The following VKORC1L1 variants were observed in gnomAD, a reference collection of about 807,000 sequenced individuals.
VKORC1L1 encodes vitamin K epoxide reductase complex subunit 1L1.
In VKORC1L1, 2 loss-of-function variants were observed where a neutral mutation model predicts 18.9. The ratio of observed to expected loss-of-function variants is 0.11; its 90% CI spans 0.04 to 0.33. The LOEUF (loss-of-function observed/expected upper bound fraction) is 0.33, where lower values mean the gene tolerates loss of function less well. VKORC1L1 is among the 10% of genes least tolerant of loss of function. The pLI, the probability that VKORC1L1 is intolerant of heterozygous loss-of-function variation, is 1.00. For synonymous variants in VKORC1L1, 96 were observed against 100.0 expected, an observed-to-expected ratio of 0.96 and a Z score of 0.24; for missense variants, 123 against 224.1, an observed-to-expected ratio of 0.55 and a Z score of 2.88.
At chr7:65,932,722 G>A (rs1281257109) in intron 1 of VKORC1L1, among the ~76,000 whole-genome samples, 2 of 152,148 alleles carry the variant, frequency 1.3e-5, no homozygotes, top group African/African-American at 4.8e-5. Context: ...GTTTGTTTAT[G>A]ATATGTTTAT....
At chr7:65,936,333 A>G (rs1288531058) in intron 1 of VKORC1L1, among the ~76,000 whole-genome samples, 1 of 151,970 alleles carries the variant, frequency 6.6e-6, no homozygotes, top group South Asian at 2.1e-4. Flanking sequence ...ACATTCTTCT[A>G]GTTCTTTGTA....
intron 1 of VKORC1L1, among the ~76,000 whole-genome samples, chr7:65,939,102 T>C (rs1054200763): frequency 2.0e-5 from 3 of 152,176 alleles, no homozygotes; most frequent in African/African-American, 7.2e-5. Flanking sequence ...AGAGATTATT[T>C]TGAACAGGAT....
chr7:65,919,466 C>T (rs1373884870), intron 1 of VKORC1L1, among the ~76,000 whole-genome samples: 1 of 152,170 alleles, frequency 6.6e-6, no homozygotes, highest in Non-Finnish European at 1.5e-5. Flanking sequence ...CCTTTTCTTT[C>T]CTAACTCAGA....
intron 1 of VKORC1L1, among the ~76,000 whole-genome samples, chr7:65,895,964 C>T (rs531326753): frequency 2.1e-5 from 3 of 141,256 alleles, no homozygotes; most frequent in East Asian, 2.1e-4. Context: ...GGCGTGATCT[C>T]GGCTCACTGC....
Position 65,888,411 on chromosome 7 carries a change from T to C in VKORC1L1, c.194+14846T>C, listed in dbSNP as rs541995897. ...GGAATCTAGTTAAGCTTAAATTGTTTCAAACTAAAGCAGGCCATGAGATGA... is the reference window on the plus strand; with the variant it reads ...GGAATCTAGTTAAGCTTAAATTGTTCCAAACTAAAGCAGGCCATGAGATGA... On this transcript the variant is annotated intron_variant, in intron 1 of 2. Coordinates refer to ENST00000360768, the MANE Select transcript of VKORC1L1 (RefSeq NM_173517.6). Among the ~76,000 whole-genome samples, 285 of 152,288 alleles carry C rather than the reference T, an allele frequency of 1.9e-3. 3 individuals are homozygous for C. Among genetic ancestry groups the C allele is most frequent in the African/African-American group, 6.7e-3 (278 of 41,554 alleles).
At chr7:65,872,961 T>C (rs1398376243), upstream of VKORC1L1, among the ~76,000 whole-genome samples, 16 of 132,738 alleles carry the variant, frequency 1.2e-4, no homozygotes, top group Admixed American at 7.7e-4. Context: ...CCTCTCTGGC[T>C]CCGCCCCTCC....
intron 1 of VKORC1L1, among the ~76,000 whole-genome samples, chr7:65,911,630 G>C (rs1220269751): frequency 6.6e-6 from 1 of 152,180 alleles, no homozygotes; most frequent in Non-Finnish European, 1.5e-5. Flanking sequence ...ACAGCATCTT[G>C]CTATTTTGCC....
chr7:65,873,288 G>A lies in VKORC1L1; in HGVS notation c.-84G>A. 3 of 1,032,792 alleles carry A rather than the reference G, an allele frequency of 2.9e-6. No individual in the cohort carries two copies. The highest frequency in any genetic ancestry group is 3.5e-6 in the Non-Finnish European group (3 of 862,856). 64.0% of individuals were successfully genotyped at this position (1,032,792 alleles called of 1,614,324 possible). ...CGGCGGCGGCGGAGGCGGCGGTGGC[G>A]GCGGTGGCGGCTGGGTCGGGCCCCG... On this transcript the variant is annotated 5_prime_UTR_variant, in exon 1 of 3. Transcript: ENST00000360768.
At chr7:65,891,063 G>C (rs1306330826) in intron 1 of VKORC1L1, among the ~76,000 whole-genome samples, 1 of 151,380 alleles carries the variant, frequency 6.6e-6, no homozygotes, top group Non-Finnish European at 1.5e-5. Context: ...CAGACAGTAA[G>C]GACTCTGCTG....
intron 1 of VKORC1L1, among the ~76,000 whole-genome samples, chr7:65,879,599 C>G (rs1034457550): frequency 6.6e-6 from 1 of 152,152 alleles, no homozygotes; most frequent in African/African-American, 2.4e-5. Flanking sequence ...AGGCCTGATT[C>G]TAACCCAGGC....
Position 65,894,504 on chromosome 7 carries a change from GGATCAC to G in VKORC1L1, c.194+20942_194+20947del, listed in dbSNP as rs370647720. On this transcript the variant is annotated intron_variant, in intron 1 of 2. Coordinates refer to ENST00000360768, the MANE Select transcript of VKORC1L1 (RefSeq NM_173517.6). ...AGCACTTTGGGAGGCCAAGGCAGGT[GGATCAC>G]GAGGTCAGAAGATCGAGACCATCCT... Among the ~76,000 whole-genome samples, 14 of 152,262 alleles carry G rather than the reference GGATCAC, an allele frequency of 9.2e-5. No individual in the cohort carries two copies. The East Asian group carries it at 2.7e-3, about 29-fold the overall frequency.
At chr7:65,891,302 G>A (rs543304126) in intron 1 of VKORC1L1, among the ~76,000 whole-genome samples, 3 of 152,136 alleles carry the variant, frequency 2.0e-5, no homozygotes, top group African/African-American at 7.2e-5. Context: ...ATATCTAGGA[G>A]TGGATTTCTG....
At chr7:65,876,568 A>C (rs1788831022) in intron 1 of VKORC1L1, among the ~76,000 whole-genome samples, 1 of 151,994 alleles carries the variant, frequency 6.6e-6, no homozygotes, top group Non-Finnish European at 1.5e-5. Flanking sequence ...AAATCGGTGA[A>C]AACTCTGCTG....
intron 1 of VKORC1L1, among the ~76,000 whole-genome samples, chr7:65,916,506 C>T (rs932669040): frequency 1.5e-4 from 23 of 152,044 alleles, no homozygotes; most frequent in Admixed American, 5.9e-4. Flanking sequence ...TCTCTGAGCT[C>T]AGAGTCCTAG....
chr7:65,877,826 A>G (rs1384207265), intron 1 of VKORC1L1, among the ~76,000 whole-genome samples: 1 of 152,206 alleles, frequency 6.6e-6, no homozygotes, highest in Non-Finnish European at 1.5e-5. Context: ...AACATATACC[A>G]TAGGGGATTG....
chr7:65,951,199 A>G (rs1475270940), intron 2 of VKORC1L1, among the ~76,000 whole-genome samples: 1 of 152,240 alleles, frequency 6.6e-6, no homozygotes, highest in Non-Finnish European at 1.5e-5. Context: ...AGAGCACAGC[A>G]TCTGTACTCC....
chr7:65,883,918 T>G (rs2116339808), intron 1 of VKORC1L1, among the ~76,000 whole-genome samples: 1 of 152,364 alleles, frequency 6.6e-6, no homozygotes, highest in African/African-American at 2.4e-5. Context: ...CATCTCTAAC[T>G]AGGGGAATTT....
chr7:65,927,923 G>A (rs540650417), intron 1 of VKORC1L1, among the ~76,000 whole-genome samples: 11 of 152,246 alleles, frequency 7.2e-5, no homozygotes, highest in African/African-American at 1.7e-4. Context: ...ACTGATAGGC[G>A]CCTGGCTGCT....
intron 1 of VKORC1L1, among the ~76,000 whole-genome samples, chr7:65,941,673 GTTTTT>G (rs57537567): frequency 6.0e-5 from 4 of 66,500 alleles, no homozygotes; most frequent in Admixed American, 2.1e-4. Flanking sequence ...TTTTCTTAAG[GTTTTT>G]TTTTTTTTTT....
Sources: gnomAD v4.1 joint callset for allele counts (sites outside exome capture counted in the v4.1 genomes callset) on GRCh38, gnomAD v4.1.1 for gene constraint, MANE v1.5 for transcripts, NCBI Gene and HGNC (gene_info 2026-07-23, HGNC 2026-07-21) for gene names.